Variants in MAD1L1 observed in about 807,000 individuals in gnomAD.
MAD1L1 encodes mitotic spindle assembly checkpoint protein MAD1.
A neutral mutation model predicts 96.9 loss-of-function variants in MAD1L1; 95 were observed. The observed-to-expected ratio is 0.98, with a 90% CI of 0.83 to 1.16. The LOEUF is 1.16. MAD1L1 is among the 50% of genes most tolerant of loss of function. The probability of loss-of-function intolerance (pLI) is 0.00; values close to 1 mark genes in which losing one functional copy is unlikely to be tolerated. For synonymous variants in MAD1L1, 473 were observed against 396.6 expected (o/e 1.19, Z -2.29); for missense variants, 1,007 against 954.4 (o/e 1.06, Z -0.73).
chr7:2,224,714 A>T (rs1562388957), intron 4 of MAD1L1, among the ~76,000 whole-genome samples: 3 of 152,134 alleles, frequency 2.0e-5, no homozygotes, highest in African/African-American at 7.2e-5. Flanking sequence ...ACTGATCAGC[A>T]CTGACTGAAA....
At chr7:1,831,056 C>CTCACAGAAGCCAATTCGCCCTGTGT in intron 18 of MAD1L1, among the ~76,000 whole-genome samples, 1 of 152,304 alleles carries the variant, frequency 6.6e-6, no homozygotes, top group African/African-American at 2.4e-5. Flanking sequence ...ATACAGCGTG[C>CTCACAGAAGCCAATTCGCCCTGTGT]TCACAGAAGC....
intron 17 of MAD1L1, among the ~76,000 whole-genome samples, chr7:1,918,868 C>CCCCCT (rs759213080): frequency 5.5e-4 from 83 of 152,142 alleles, no homozygotes; most frequent in Non-Finnish European, 9.0e-4. Context: ...TGGCCCCAGC[C>CCCCCT]CCCCTCCCCT....
At chr7:2,084,050 G>A (rs745760405) in intron 11 of MAD1L1, among the ~76,000 whole-genome samples, 21 of 152,190 alleles carry the variant, frequency 1.4e-4, no homozygotes, top group East Asian at 3.8e-4. Context: ...CATCCGAGCC[G>A]CCATTCCCTT....
chr7:2,132,255 C>T (rs1486373532), intron 11 of MAD1L1, among the ~76,000 whole-genome samples: 2 of 152,230 alleles, frequency 1.3e-5, no homozygotes, highest in African/African-American at 2.4e-5. Flanking sequence ...TCCCCTGCAC[C>T]GTGCACGACT....
chr7:1,848,071 G>GC, intron 18 of MAD1L1: 1 of 320,648 alleles, frequency 3.1e-6, no homozygotes, highest in East Asian at 8.3e-5. Context: ...CGGGGCTGGG[G>GC]TGTGCAGAGA....
At chr7:1,977,084 C>A (rs1301224086) in intron 15 of MAD1L1, among the ~76,000 whole-genome samples, 1 of 152,276 alleles carries the variant, frequency 6.6e-6, no homozygotes, top group African/African-American at 2.4e-5. Context: ...GGGGGCAGAG[C>A]TGCCTGCCAG....
intron 17 of MAD1L1, among the ~76,000 whole-genome samples, chr7:1,905,239 C>CA (rs1787550726): frequency 1.0e-5 from 1 of 96,700 alleles, no homozygotes; most frequent in Admixed American, 1.1e-4. Context: ...CTGTTCCAGG[C>CA]AGCGAGGACG....
At chr7:1,922,949 T>C (rs1318154158) in intron 17 of MAD1L1, among the ~76,000 whole-genome samples, 3 of 152,210 alleles carry the variant, frequency 2.0e-5, no homozygotes, top group African/African-American at 7.2e-5. Context: ...AGCCTTGCAC[T>C]CTCAGAAAAC....
chr7:2,165,090 G>A (rs933314686), intron 10 of MAD1L1, among the ~76,000 whole-genome samples: 1 of 152,120 alleles, frequency 6.6e-6, no homozygotes, highest in East Asian at 1.9e-4. Context: ...TGTCATCCCA[G>A]CTATTCTGGA....
intron 11 of MAD1L1, 68 bp downstream of exon 11, chr7:2,149,084 A>G: frequency 7.1e-7 from 1 of 1,407,896 alleles, no homozygotes; most frequent in Non-Finnish European, 1.0e-6. Context: ...GGGGGCACAC[A>G]CTCTCACTCA....
In MAD1L1 at chr7:1,937,015, A is replaced by G. The variant is rs923666518; in HGVS notation, c.1597-118T>C. 39 of 769,686 alleles carry G rather than the reference A, an allele frequency of 5.1e-5. No individual in the cohort carries two copies. The East Asian group carries it at 7.4e-4, about 15-fold the overall frequency. The allele number at this position is 769,686 out of a possible 1,614,324, so 47.7% of individuals were successfully genotyped here. On this transcript the variant is annotated intron_variant, in intron 16 of 18. Coordinates refer to ENST00000265854, the MANE Select transcript of MAD1L1 (RefSeq NM_001013836.2). ...ACACAGCACGGGTCACACACAGCAC[A>G]GTGCTCAGTTCTTTTGTCTTCTTGA...
chr7:1,947,292 G>A (rs536072249), intron 16 of MAD1L1, among the ~76,000 whole-genome samples: 1 of 152,236 alleles, frequency 6.6e-6, no homozygotes, highest in Non-Finnish European at 1.5e-5. Context: ...CAATACTTGG[G>A]GAGGGAGGCG....
chr7:1,978,083 G>A (rs941029427), intron 15 of MAD1L1, among the ~76,000 whole-genome samples: 16 of 152,214 alleles, frequency 1.1e-4, no homozygotes, highest in East Asian at 7.7e-4. Context: ...CCCTGCGCCC[G>A]CGTGCCTCCA....
At chr7:2,221,224 C>T (rs1026477749) in intron 5 of MAD1L1, among the ~76,000 whole-genome samples, 1 of 152,120 alleles carries the variant, frequency 6.6e-6, no homozygotes, top group African/African-American at 2.4e-5. Flanking sequence ...GTGCTCGGCA[C>T]GACTCACCCT....
intron 15 of MAD1L1, among the ~76,000 whole-genome samples, chr7:1,963,937 C>T (rs372263086): frequency 5.3e-5 from 8 of 152,232 alleles, no homozygotes; most frequent in African/African-American, 1.9e-4. Flanking sequence ...CCAGCTGATG[C>T]CTCCTGGAGA....
chr7:2,014,480 C>T, intron 13 of MAD1L1, 22 bp downstream of exon 13: 1 of 1,544,358 alleles, frequency 6.5e-7, no homozygotes, highest in Non-Finnish European at 8.7e-7. Context: ...GCGACGTGAG[C>T]CCCACGCCCG....
intron 18 of MAD1L1, among the ~76,000 whole-genome samples, chr7:1,853,291 C>G (rs943564778): frequency 6.6e-6 from 1 of 152,200 alleles, no homozygotes; most frequent in Non-Finnish European, 1.5e-5. Flanking sequence ...GGCGAGAAGG[C>G]CCCACGCGTG....
At chr7:1,975,771 T>C (rs2128481613) in intron 15 of MAD1L1, among the ~76,000 whole-genome samples, 1 of 152,174 alleles carries the variant, frequency 6.6e-6, no homozygotes, top group African/African-American at 2.4e-5. Context: ...GGGTCACCTC[T>C]CGTCCCCTGA....
intron 17 of MAD1L1, among the ~76,000 whole-genome samples, chr7:1,919,331 C>T (rs922457884): frequency 2.6e-5 from 4 of 152,372 alleles, no homozygotes; most frequent in East Asian, 3.9e-4. Flanking sequence ...GATGGACACA[C>T]GGTGTGTTGG....
Sources: allele counts gnomAD v4.1 joint callset (sites outside exome capture counted in the v4.1 genomes callset), GRCh38; gene constraint gnomAD v4.1.1; transcripts MANE v1.5; gene names NCBI Gene and HGNC (gene_info 2026-07-23, HGNC 2026-07-21).